The following VPS13A variants were observed in gnomAD, a reference collection of about 807,000 sequenced individuals.
The protein encoded by VPS13A is intermembrane lipid transfer protein VPS13A.
A neutral mutation model predicts 390.9 loss-of-function variants in VPS13A; 264 were observed. That is an observed-to-expected ratio of 0.68 (90% CI 0.61 to 0.75). VPS13A has a LOEUF of 0.75. VPS13A is among the 30% of genes least tolerant of loss of function. The probability of loss-of-function intolerance (pLI) is 0.00; values close to 1 mark genes in which losing one functional copy is unlikely to be tolerated. For missense variants in VPS13A, 3,409 were observed against 3,733.9 expected, an observed-to-expected ratio of 0.91 and a Z score of 2.27; for synonymous variants, 1,231 against 1,227.1, an observed-to-expected ratio of 1.00 and a Z score of -0.07.
chr9:77,219,925 G>GA, intron 10 of VPS13A, 29 bp from the exon 11 acceptor site: 7 of 1,609,508 alleles, frequency 4.3e-6, no homozygotes, highest in Non-Finnish European at 5.9e-6. Flanking sequence ...ATATAACTCA[G>GA]TTTTTTTTCC....
intron 34 of VPS13A, among the ~76,000 whole-genome samples, chr9:77,304,505 ATAG>A (rs1043843372): frequency 1.3e-5 from 2 of 152,204 alleles, no homozygotes; most frequent in African/African-American, 4.8e-5. Flanking sequence ...ATATATTAAT[ATAG>A]AATTTATTGG....
intron 34 of VPS13A, among the ~76,000 whole-genome samples, chr9:77,304,960 A>G (rs1828634124): frequency 6.9e-6 from 1 of 145,292 alleles, no homozygotes; most frequent in Admixed American, 6.9e-5. Flanking sequence ...TTTTTTTGAG[A>G]TGGAGTCTCG....
intron 17 of VPS13A, among the ~76,000 whole-genome samples, chr9:77,231,772 G>A (rs1042664599): frequency 1.3e-5 from 2 of 151,980 alleles, no homozygotes; most frequent in African/African-American, 2.4e-5. Context: ...ACTTCATCCG[G>A]TCTTATATTT....
intron 45 of VPS13A, among the ~76,000 whole-genome samples, chr9:77,329,172 C>G (rs1830160845): frequency 6.6e-6 from 1 of 152,160 alleles, no homozygotes; most frequent in Non-Finnish European, 1.5e-5. Context: ...GGTGGGGGAC[C>G]TAGCCAAACT....
chr9:77,217,664 G>C (rs1822936841), intron 10 of VPS13A, among the ~76,000 whole-genome samples: 1 of 152,072 alleles, frequency 6.6e-6, no homozygotes, highest in South Asian at 2.1e-4. Context: ...TGGCTGAAAA[G>C]TATTCCATGA....
At chr9:77,181,288 T>C (rs1415731951) in intron 1 of VPS13A, among the ~76,000 whole-genome samples, 1 of 151,974 alleles carries the variant, frequency 6.6e-6, no homozygotes, top group East Asian at 1.9e-4. Context: ...TTTGGGAGAC[T>C]GGGGAGGGTG....
chr9:77,263,869 A>G (rs1036620637), intron 23 of VPS13A, among the ~76,000 whole-genome samples: 1 of 152,040 alleles, frequency 6.6e-6, no homozygotes, highest in Non-Finnish European at 1.5e-5. Flanking sequence ...TAGAGTTTTT[A>G]TGGTTTTAGG....
At chr9:77,380,498 G>A (rs1218273515) in intron 67 of VPS13A, among the ~76,000 whole-genome samples, 1 of 151,924 alleles carries the variant, frequency 6.6e-6, no homozygotes, top group Admixed American at 6.6e-5. Context: ...TTTTAGTAGA[G>A]ACAGGGTTTC....
At position 77,353,530 on chromosome 9, in the gene VPS13A, G is replaced by T. The variant is rs1446184081; in HGVS notation, c.7541G>T (p.Ser2514Ile). The change falls in exon 54 of 72, where the codon AGT (serine) becomes ATT (isoleucine). Residue 2514 changes from serine (S) to isoleucine (I), a missense_variant. Ser to Ile is a moderately radical substitution (Grantham distance 142, BLOSUM62 -2). This residue lies in a region of VPS13A where 221 missense variants were observed against 300.7 expected (regional missense o/e 0.73). Transcript: ENST00000360280. ...AGGGTATTTAAAGTAACATATGAAA[G>T]TGAGAAAGCAGAGTTAGCAGAGCAA... ...DPRVFKVTYE[S>I]EKAELAEQEI... is the part of the protein sequence containing the mutation. 6.2e-7 allele frequency: 1 copy of T among 1,613,340 alleles called. No homozygotes were observed. The highest frequency in any genetic ancestry group is 8.5e-7 in the Non-Finnish European group (1 of 1,179,622).
At position 77,318,403 on chromosome 9, in the gene VPS13A, A is replaced by G. The variant is rs1164933642; in HGVS notation, c.5125A>G (p.Ile1709Val). 2.5e-6 allele frequency: 4 copies of G among 1,613,836 alleles called. No individual in the cohort carries two copies. Among genetic ancestry groups the G allele is most frequent in the Non-Finnish European group, 3.4e-6 (4 of 1,179,914 alleles). ...TGAAGAATCAAATGAAACTGAAAAA[A>G]TAGCTCCCACAACTGAATTGGTACC... ...FLEESNETEK[I>V]APTTELVPKG... Residue 1709 changes from isoleucine to valine, a missense_variant, in exon 41 of 72, where the codon ATA becomes GTA. This residue lies in a region of VPS13A where 2,717 missense variants were observed against 2,917.4 expected (regional missense o/e 0.93). Coordinates refer to ENST00000360280, the MANE Select transcript of VPS13A (RefSeq NM_033305.3).
At chr9:77,359,199 C>G in intron 57 of VPS13A, 134 bp from the exon 58 acceptor site, 1 of 744,700 alleles carries the variant, frequency 1.3e-6, no homozygotes, top group Non-Finnish European at 2.3e-6. Context: ...GTAGATTTTG[C>G]CAATATCAGT....
intron 38 of VPS13A, 22 bp from the exon 39 acceptor site, chr9:77,316,152 A>G: frequency 7.1e-7 from 1 of 1,405,488 alleles, no homozygotes; most frequent in Non-Finnish European, 9.9e-7. Flanking sequence ...CAAATATTTT[A>G]ATCTATTTTT....
At chr9:77,206,167 G>GC in intron 5 of VPS13A, 88 bp downstream of exon 5, 1 of 935,980 alleles carries the variant, frequency 1.1e-6, no homozygotes, top group Non-Finnish European at 1.6e-6. Flanking sequence ...TTTCTCTGGA[G>GC]ATGCTGAGAT....
At chr9:77,348,388 C>T (rs1379612312) in intron 52 of VPS13A, among the ~76,000 whole-genome samples, 1 of 152,114 alleles carries the variant, frequency 6.6e-6, no homozygotes, top group African/African-American at 2.4e-5. Context: ...ACCGCATGTC[C>T]CTGCTTATAA....
chr9:77,408,181 A>G (rs1012340665), intron 71 of VPS13A, among the ~76,000 whole-genome samples: 8 of 152,240 alleles, frequency 5.3e-5, no homozygotes, highest in African/African-American at 1.9e-4. Context: ...ATGGCAATCA[A>G]TCACAAGGAT....
At chr9:77,199,312 T>G (rs1825190095) in intron 1 of VPS13A, among the ~76,000 whole-genome samples, 3 of 152,138 alleles carry the variant, frequency 2.0e-5, no homozygotes, top group Non-Finnish European at 4.4e-5. Context: ...GGACTACGGG[T>G]GCCTGCCACC....
chr9:77,318,774 T>G (rs1829556998), intron 41 of VPS13A, among the ~76,000 whole-genome samples, 183 bp downstream of exon 41: 1 of 152,224 alleles, frequency 6.6e-6, no homozygotes. Flanking sequence ...ATTGCTTTTA[T>G]GTATACATTC....
chr9:77,376,392 CAG>C (rs1206516185), intron 67 of VPS13A, among the ~76,000 whole-genome samples: 1 of 152,068 alleles, frequency 6.6e-6, no homozygotes, highest in Non-Finnish European at 1.5e-5. Flanking sequence ...GGCGTAACCA[CAG>C]GGGATTAGGG....
At chr9:77,358,236 G>A (rs1009658608) in intron 56 of VPS13A, 121 bp from the exon 57 acceptor site, 8 of 854,154 alleles carry the variant, frequency 9.4e-6, no homozygotes, top group African/African-American at 3.4e-5. Context: ...GATTACAGGC[G>A]TGAGCCACCG....
Sources: gnomAD v4.1 joint callset for allele counts (sites outside exome capture counted in the v4.1 genomes callset) on GRCh38, gnomAD v4.1.1 for gene constraint, gnomAD v4.1.1 regional missense constraint, MANE v1.5 for transcripts, NCBI Gene and HGNC (gene_info 2026-07-23, HGNC 2026-07-21) for gene names.